The following ARHGAP1 variants were observed in gnomAD, a reference collection of about 807,000 sequenced individuals.
ARHGAP1 encodes Rho GTPase activating protein 1.
In ARHGAP1, 23 loss-of-function variants were observed where a neutral mutation model predicts 52.2. The ratio of observed to expected loss-of-function variants is 0.44; its 90% CI spans 0.32 to 0.62. The LOEUF (loss-of-function observed/expected upper bound fraction) is 0.62, where lower values mean the gene tolerates loss of function less well. Ranked by LOEUF, ARHGAP1 falls within the 20% of genes least tolerant of loss-of-function variation. The probability of loss-of-function intolerance (pLI) is 0.05; values close to 1 mark genes in which losing one functional copy is unlikely to be tolerated. For synonymous variants in ARHGAP1, 210 were observed against 228.4 expected, an observed-to-expected ratio of 0.92 and a Z score of 0.73; for missense variants, 480 against 560.9, an observed-to-expected ratio of 0.86 and a Z score of 1.46.
Position 46,680,782 on chromosome 11 carries a change from C to T in ARHGAP1, c.636-35G>A, listed in dbSNP as rs558117848. The T allele has an allele frequency of 1.4e-6, 2 of 1,463,568 alleles. No homozygotes were observed. The highest frequency in any genetic ancestry group is 2.1e-5 in the Admixed American group (1 of 47,970). 90.7% of individuals were successfully genotyped at this position (1,463,568 alleles called of 1,614,324 possible). A position where few individuals can be genotyped will look rare whatever the true frequency, so the allele number is the denominator to read the frequency against. On this transcript the variant is annotated intron_variant, in intron 7 of 12. Coordinates refer to ENST00000311956, the MANE Select transcript of ARHGAP1 (RefSeq NM_004308.5). This position sits in a 1 kb window ranked among gnomAD's most constrained non-coding sequence, Gnocchi z 5.9. ...TAGAGGGAGGTGGGTCAGGTCCTGCCTGGCTCTGGAGTCACTCTGCCAATT... is the reference window on the plus strand; with the variant it reads ...TAGAGGGAGGTGGGTCAGGTCCTGCTTGGCTCTGGAGTCACTCTGCCAATT...
In ARHGAP1 at chr11:46,695,750, A is replaced by C; in HGVS notation, c.139T>G (p.Ser47Ala). The change falls in exon 3 of 13, where the codon TCC becomes GCC. Residue 47 changes from serine to alanine, a missense_variant. Physicochemically the swap from Ser to Ala is moderately conservative, Grantham distance 99. Transcript: ENST00000311956. ...EMPDFPKSDD[S>A]KSSSPELVTH... ...ACAAGTTCCGGGGAGCTGCTTTTGG[A>C]GTCATCTGAGGAACACAGCAGGGTC... The C allele has an allele frequency of 1.9e-6, 3 of 1,552,424 alleles. No individual in the cohort carries two copies. The highest frequency in any genetic ancestry group is 2.6e-6 in the Non-Finnish European group (3 of 1,147,338).
In ARHGAP1 at chr11:46,679,293, C is replaced by A; in HGVS notation, c.1132-68G>T. On this transcript the variant is annotated intron_variant, in intron 12 of 12. Coordinates refer to ENST00000311956, the MANE Select transcript of ARHGAP1 (RefSeq NM_004308.5). This position sits in a 1 kb window ranked among gnomAD's most constrained non-coding sequence, Gnocchi z 4.4. Reference sequence around the variant, plus strand: ...TGCCTCCCACTCCCAGCAACAATGACCAGGGCGCAGAGGAGGCGGCAGCTC... The same window carrying A: ...TGCCTCCCACTCCCAGCAACAATGAACAGGGCGCAGAGGAGGCGGCAGCTC... The A allele has an allele frequency of 1.3e-6, 2 of 1,599,978 alleles. No individual in the cohort carries two copies. The highest frequency in any genetic ancestry group is 1.7e-6 in the Non-Finnish European group (2 of 1,170,196).
At chr11:46,690,485 G>T (rs1308790407) in intron 3 of ARHGAP1, among the ~76,000 whole-genome samples, 5 of 152,092 alleles carry the variant, frequency 3.3e-5, no homozygotes, top group African/African-American at 9.7e-5. Context: ...TCTCACCTCA[G>T]CTTCCCAAGC....
chr11:46,685,132 A>G (rs2064558369), intron 4 of ARHGAP1, among the ~76,000 whole-genome samples: 1 of 150,902 alleles, frequency 6.6e-6, no homozygotes, highest in Non-Finnish European at 1.5e-5. Flanking sequence ...ATAGAGTTCC[A>G]TATACATTAC....
chr11:46,679,584 G>A lies in ARHGAP1; in HGVS notation c.1027+64C>T, dbSNP rs1303535800. 5.0e-6 allele frequency: 8 copies of A among 1,610,086 alleles called. 1 individual carries two copies. The highest frequency in any genetic ancestry group is 2.7e-5 in the African/African-American group (2 of 74,806). On this transcript the variant is annotated intron_variant, in intron 11 of 12. Transcript: ENST00000311956. This position sits in a 1 kb window ranked among gnomAD's most constrained non-coding sequence, Gnocchi z 4.4. ...TCTTCCCTGGGAGGCGCCTAGGCCC[G>A]AAAGCCTGCAGCGCACCTGCCCCAA...
At chr11:46,697,292 C>T (rs965529450) in intron 1 of ARHGAP1, 1 of 152,328 alleles carries the variant, frequency 6.6e-6, no homozygotes, top group African/African-American at 2.4e-5. Context: ...AACTCCCCCT[C>T]CTGCCACAAG....
intron 4 of ARHGAP1, among the ~76,000 whole-genome samples, chr11:46,683,371 CAGCTTTGCCTTCTA>C (rs1162273046): frequency 5.3e-5 from 8 of 152,010 alleles, no homozygotes; most frequent in African/African-American, 1.9e-4. Context: ...GACCATGGGA[CAGCTTTGCCTTCTA>C]CACATGAACT....
intron 4 of ARHGAP1, among the ~76,000 whole-genome samples, chr11:46,683,965 A>G (rs2064549053): frequency 6.6e-6 from 1 of 152,168 alleles, no homozygotes; most frequent in East Asian, 1.9e-4. Flanking sequence ...TAGTTGGCCA[A>G]ACAGCTCCTA....
rs186254258 is a variant in ARHGAP1, at chr11:46,687,353, C to T, written c.317+820G>A. On this transcript the variant is annotated intron_variant, in intron 4 of 12. Coordinates refer to ENST00000311956, the MANE Select transcript of ARHGAP1 (RefSeq NM_004308.5). Reference sequence around the variant, plus strand: ...TGAGACTCCAAATTCAGGCCCTTCTCCTTCTGCGGCTGCCCTCTGGGTCTG... The same window carrying T: ...TGAGACTCCAAATTCAGGCCCTTCTTCTTCTGCGGCTGCCCTCTGGGTCTG... The T allele has an allele frequency of 9.0e-4, 137 of 152,450 alleles. 1 individual carries two copies. The highest frequency in any genetic ancestry group is 3.0e-3 in the African/African-American group (125 of 41,594). 9.4% of individuals were successfully genotyped at this position (152,450 alleles called of 1,614,324 possible).
Position 46,679,903 on chromosome 11 carries a change from C to T in ARHGAP1, c.899-127G>A. On this transcript the variant is annotated intron_variant, in intron 10 of 12. Transcript: ENST00000311956. The surrounding 1 kb of genome is among the most constrained non-coding windows in gnomAD (Gnocchi z 4.4). ...ATAAGCCCCTCCTCCCAGGGGCGCC[C>T]TCTGACACCTGCCTCCCTCTTCCTC... The T allele has an allele frequency of 1.4e-6, 2 of 1,398,916 alleles. No homozygotes were observed. Among genetic ancestry groups the T allele is most frequent in the Middle Eastern group, 2.6e-4 (1 of 3,880 alleles). The allele number at this position is 1,398,916 out of a possible 1,614,324, so 86.7% of individuals were successfully genotyped here. A position where few individuals can be genotyped will look rare whatever the true frequency, so the allele number is the denominator to read the frequency against.
chr11:46,681,089 ATCT>A lies in ARHGAP1; in HGVS notation c.554_556del (p.Lys185del). On this transcript the variant is annotated inframe_deletion, in exon 7 of 13. Coordinates refer to ENST00000311956, the MANE Select transcript of ARHGAP1 (RefSeq NM_004308.5). The surrounding 1 kb of genome is among the most constrained non-coding windows in gnomAD (Gnocchi z 5.7). ...CTCGCTCAGGTAATTCACATAGAAGATCTTCTGCCCGAACTTGAAGCTGTTGGT... is the reference window on the plus strand; with the variant it reads ...CTCGCTCAGGTAATTCACATAGAAGATCTGCCCGAACTTGAAGCTGTTGGT... 1 of 1,614,158 alleles carries A rather than the reference ATCT, an allele frequency of 6.2e-7. No homozygotes were observed. The highest frequency in any genetic ancestry group is 8.5e-7 in the Non-Finnish European group (1 of 1,180,030).
Position 46,681,513 on chromosome 11 carries a change from A to G in ARHGAP1, c.450-134T>C. The G allele has an allele frequency of 1.5e-6, 1 of 671,952 alleles. No homozygotes were observed. Among genetic ancestry groups the G allele is most frequent in the Admixed American group, 2.4e-5 (1 of 41,636 alleles). 41.6% of individuals were successfully genotyped at this position (671,952 alleles called of 1,614,324 possible). On this transcript the variant is annotated intron_variant, in intron 5 of 12. Coordinates refer to ENST00000311956, the MANE Select transcript of ARHGAP1 (RefSeq NM_004308.5). This position sits in a 1 kb window ranked among gnomAD's most constrained non-coding sequence, Gnocchi z 5.7. The stretch of plus-strand genomic sequence containing the variant: ...CTGGAGTGTGATCTCAGCTCATTGC[A>G]GCCTCCACCTCCCGGATTCAAGCTA...
At chr11:46,693,166 T>C (rs908837767) in intron 3 of ARHGAP1, among the ~76,000 whole-genome samples, 6 of 152,236 alleles carry the variant, frequency 3.9e-5, no homozygotes, top group African/African-American at 1.4e-4. Flanking sequence ...CCCCAGCTAA[T>C]TTTGTATTTT....
rs751164604 is a variant in ARHGAP1, at chr11:46,695,970, C to A, written c.133+5G>T. On this transcript the variant is annotated splice_donor_5th_base_variant and intron_variant, in intron 2 of 12. Coordinates refer to ENST00000311956, the MANE Select transcript of ARHGAP1 (RefSeq NM_004308.5). The stretch of plus-strand genomic sequence containing the variant: ...GTAGCTGCCTGAGACCAGACACAAG[C>A]CCACCTGACTTGGGGAAGTCAGGCA... 1.2e-6 allele frequency: 2 copies of A among 1,614,204 alleles called. No individual in the cohort carries two copies.
At chr11:46,690,918 G>C (rs576417305) in intron 3 of ARHGAP1, among the ~76,000 whole-genome samples, 11 of 151,486 alleles carry the variant, frequency 7.3e-5, no homozygotes, top group Admixed American at 3.3e-4. Context: ...GTCTTGCTCT[G>C]TCACCCAGGC....
chr11:46,680,154 C>T lies in ARHGAP1; in HGVS notation c.898+51G>A, dbSNP rs1265564230. The T allele has an allele frequency of 6.4e-7, 1 of 1,566,706 alleles. No individual in the cohort carries two copies. Among genetic ancestry groups the T allele is most frequent in the Non-Finnish European group, 8.8e-7 (1 of 1,137,422 alleles). ...TACAGGGCAGCAGAGGGCAGAGAAGCCCCCTACCAGTAACACACATATGGC... is the reference window on the plus strand; with the variant it reads ...TACAGGGCAGCAGAGGGCAGAGAAGTCCCCTACCAGTAACACACATATGGC... On this transcript the variant is annotated intron_variant, in intron 10 of 12. Coordinates refer to ENST00000311956, the MANE Select transcript of ARHGAP1 (RefSeq NM_004308.5). The surrounding 1 kb of genome is among the most constrained non-coding windows in gnomAD (Gnocchi z 5.9).
rs1379031531 is a variant in ARHGAP1, at chr11:46,698,262, C to G, written c.-49-2106G>C. On this transcript the variant is annotated intron_variant, in intron 1 of 12. Transcript: ENST00000311956. Reference sequence around the variant, plus strand: ...TGGCGCCTCCCAGAAATATAATTCTCCAGTGTTCAGAAATACTTTGTGCTG... The same window carrying G: ...TGGCGCCTCCCAGAAATATAATTCTGCAGTGTTCAGAAATACTTTGTGCTG... 2.6e-5 allele frequency among the ~76,000 whole-genome samples: 4 copies of G among 152,126 alleles called. No individual in the cohort carries two copies. In the East Asian group the frequency reaches 5.8e-4, roughly 22 times the overall value.
chr11:46,683,311 G>A (rs1194252719), intron 4 of ARHGAP1, among the ~76,000 whole-genome samples: 1 of 151,906 alleles, frequency 6.6e-6, no homozygotes, highest in African/African-American at 2.4e-5. Context: ...CCAAAGTGCT[G>A]GGAGATTACA....
At chr11:46,694,152 G>A in intron 3 of ARHGAP1, among the ~76,000 whole-genome samples, 1 of 152,126 alleles carries the variant, frequency 6.6e-6, no homozygotes, top group East Asian at 1.9e-4. Context: ...GAAGGTCCCT[G>A]AGCCACCACT....
Sources: allele counts gnomAD v4.1 joint callset (sites outside exome capture counted in the v4.1 genomes callset), GRCh38; gene constraint gnomAD v4.1.1; non-coding constraint Gnocchi (gnomAD v3.1); transcripts MANE v1.5; gene names NCBI Gene and HGNC (gene_info 2026-07-23, HGNC 2026-07-21).